The following KCNV1 variants were observed in gnomAD, a reference collection of about 807,000 sequenced individuals.
KCNV1 encodes potassium voltage-gated channel subfamily V member 1.
In KCNV1, 2 loss-of-function variants were observed where a neutral mutation model predicts 36.4. The ratio of observed to expected loss-of-function variants is 0.05; its 90% CI spans 0.02 to 0.17. The LOEUF is 0.17. Ranked by LOEUF, KCNV1 falls within the 10% of genes least tolerant of loss-of-function variation. The pLI, the probability that KCNV1 is intolerant of heterozygous loss-of-function variation, is 1.00. For synonymous variants in KCNV1, 280 were observed against 261.1 expected, an observed-to-expected ratio of 1.07 and a Z score of -0.70; for missense variants, 321 against 643.6, an observed-to-expected ratio of 0.50 and a Z score of 5.42.
At position 109,974,134 on chromosome 8, in the gene KCNV1, G is replaced by A. The variant is rs1820048140; in HGVS notation, c.255C>T (p.Pro85=). The A allele has an allele frequency of 6.2e-7, 1 of 1,610,928 alleles. No individual in the cohort carries two copies. Among genetic ancestry groups the A allele is most frequent in the Non-Finnish European group, 8.5e-7 (1 of 1,178,994 alleles). Residue 85 remains proline, a synonymous_variant, in exon 2 of 4, where the codon CCC becomes CCT. Transcript: ENST00000524391. This position sits in a 1 kb window ranked among gnomAD's most constrained non-coding sequence, Gnocchi z 6.2. The part of the protein sequence containing the change: ...YRRPGALAAV[P]SPLELCDDAN... Reference sequence around the variant, plus strand: ...CATCGTCGCAAAGCTCCAGAGGGCTGGGCACGGCGGCCAGGGCCCCGGGGC... The same window carrying A: ...CATCGTCGCAAAGCTCCAGAGGGCTAGGCACGGCGGCCAGGGCCCCGGGGC...
At chr8:109,969,310 G>A (rs1408783744) in intron 3 of KCNV1, among the ~76,000 whole-genome samples, 1 of 152,142 alleles carries the variant, frequency 6.6e-6, no homozygotes, top group East Asian at 1.9e-4. Context: ...TAATACCAAA[G>A]CTGTAAGAAA....
In KCNV1 at chr8:109,972,936, CA is replaced by C; in HGVS notation, c.462-150del. On this transcript the variant is annotated intron_variant, in intron 2 of 3. Coordinates refer to ENST00000524391, the MANE Select transcript of KCNV1 (RefSeq NM_014379.4). This position sits in a 1 kb window ranked among gnomAD's most constrained non-coding sequence, Gnocchi z 5.2. The stretch of plus-strand genomic sequence containing the variant: ...TATTTTACTTAGGTTGTGTCTTACC[CA>C]CAGTATTCAGAATTTCTCCCTTAGA... The C allele has an allele frequency of 1.6e-6, 1 of 610,332 alleles. No homozygotes were observed. Among genetic ancestry groups the C allele is most frequent in the Non-Finnish European group, 2.8e-6 (1 of 356,748 alleles). 37.8% of individuals were successfully genotyped at this position (610,332 alleles called of 1,614,324 possible).
chr8:109,964,790 A>T lies in KCNV1; in HGVS notation c.*3298T>A, dbSNP rs1819926083. On this transcript the variant is annotated 3_prime_UTR_variant, in exon 4 of 4. Coordinates refer to ENST00000524391, the MANE Select transcript of KCNV1 (RefSeq NM_014379.4). Reference sequence around the variant, plus strand: ...CTCACTTATAAGTGGGAGCTAAATGATGAGAGCACATGAACACATAGAGGG... The same window carrying T: ...CTCACTTATAAGTGGGAGCTAAATGTTGAGAGCACATGAACACATAGAGGG... 1 of 152,318 alleles carries T rather than the reference A, an allele frequency of 6.6e-6. No homozygotes were observed. The highest frequency in any genetic ancestry group is 2.1e-4 in the South Asian group (1 of 4,824). The allele number at this position is 152,318 out of a possible 1,614,324, so 9.4% of individuals were successfully genotyped here.
In KCNV1 at chr8:109,968,466, G is replaced by A. The variant is rs369718179; in HGVS notation, c.1125C>T (p.Thr375=). 1 of 1,614,014 alleles carries A rather than the reference G, an allele frequency of 6.2e-7. No individual in the cohort carries two copies. The highest frequency in any genetic ancestry group is 8.5e-7 in the Non-Finnish European group (1 of 1,179,894). The change falls in exon 4 of 4, where the codon ACC becomes ACT. Residue 375 remains threonine (T), a synonymous_variant. Coordinates refer to ENST00000524391, the MANE Select transcript of KCNV1 (RefSeq NM_014379.4). This position sits in a 1 kb window ranked among gnomAD's most constrained non-coding sequence, Gnocchi z 5.3. ...ACCATGCACAAGGGACACTTGTGAA[G>A]GTTGTGTCAGGAATGCTTTGCTCAG... ...YFAEQSIPDT[T]FTSVPCAWWW... is the part of the protein sequence containing the mutation.
At chr8:109,973,892 G>T (rs994154194) in intron 2 of KCNV1, 36 bp downstream of exon 2, 3 of 1,472,958 alleles carry the variant, frequency 2.0e-6, no homozygotes, top group Non-Finnish European at 2.7e-6. Flanking sequence ...TGCCGCGCCC[G>T]CCTCCCCGCC....
rs1048259231 is a variant in KCNV1, at chr8:109,967,033, A to G, written c.*1055T>C. ...CTTTAGAGGTTTTGGCTTTAATTAT[A>G]TAATACAATGTCTAGGAATTGTGTT... On this transcript the variant is annotated 3_prime_UTR_variant, in exon 4 of 4. Coordinates refer to ENST00000524391, the MANE Select transcript of KCNV1 (RefSeq NM_014379.4). 1 of 152,200 alleles carries G rather than the reference A, an allele frequency of 6.6e-6. No individual in the cohort carries two copies. Among genetic ancestry groups the G allele is most frequent in the African/African-American group, 2.4e-5 (1 of 41,462 alleles). 9.4% of individuals were successfully genotyped at this position (152,200 alleles called of 1,614,324 possible).
At chr8:109,973,625 G>A (rs971307071) in intron 2 of KCNV1, among the ~76,000 whole-genome samples, 2 of 152,172 alleles carry the variant, frequency 1.3e-5, no homozygotes, top group Non-Finnish European at 2.9e-5. Flanking sequence ...GGAGCATGGC[G>A]TTTCTGATTC....
rs1235362323 is a variant in KCNV1, at chr8:109,966,678, T to C, written c.*1410A>G. 5 of 152,190 alleles carry C rather than the reference T, an allele frequency of 3.3e-5. No individual in the cohort carries two copies. The highest frequency in any genetic ancestry group is 1.2e-4 in the African/African-American group (5 of 41,458). 9.4% of individuals were successfully genotyped at this position (152,190 alleles called of 1,614,324 possible). A position where few individuals can be genotyped will look rare whatever the true frequency, so the allele number is the denominator to read the frequency against. On this transcript the variant is annotated 3_prime_UTR_variant, in exon 4 of 4. Transcript: ENST00000524391. ...GCATAGCATAATATGATGTCTTAAA[T>C]AGAGTTTATGAAATACCTTATAGCT...
intron 2 of KCNV1, among the ~76,000 whole-genome samples, chr8:109,973,509 C>T (rs1242784981): frequency 1.3e-5 from 2 of 152,112 alleles, no homozygotes; most frequent in Non-Finnish European, 2.9e-5. Context: ...CTTTTATCTT[C>T]TATATTTAAA....
chr8:109,963,991 T>C lies in KCNV1; in HGVS notation c.*4097A>G, dbSNP rs1210250387. 6.6e-6 allele frequency: 1 copy of C among 152,028 alleles called. No homozygotes were observed. The highest frequency in any genetic ancestry group is 2.4e-5 in the African/African-American group (1 of 41,394). 9.4% of individuals were successfully genotyped at this position (152,028 alleles called of 1,614,324 possible). ...AAGGTGGTTGCAACGAAAGCAAAAA[T>C]TGGCAAATGGGATCTAATTAAACTC... On this transcript the variant is annotated 3_prime_UTR_variant, in exon 4 of 4. Coordinates refer to ENST00000524391, the MANE Select transcript of KCNV1 (RefSeq NM_014379.4).
Position 109,968,635 on chromosome 8 carries a change from C to A in KCNV1, c.992-36G>T. Reference sequence around the variant, plus strand: ...ACAAATGCTGTCAGTCATTGGCATCCCTCTTCTCTCTCTTCCTTCCCTCCC... The same window carrying A: ...ACAAATGCTGTCAGTCATTGGCATCACTCTTCTCTCTCTTCCTTCCCTCCC... On this transcript the variant is annotated intron_variant, in intron 3 of 3. Transcript: ENST00000524391. The surrounding 1 kb of genome is among the most constrained non-coding windows in gnomAD (Gnocchi z 5.3). 1.9e-6 allele frequency: 3 copies of A among 1,548,284 alleles called. No individual in the cohort carries two copies. Among genetic ancestry groups the A allele is most frequent in the Non-Finnish European group, 2.6e-6 (3 of 1,142,972 alleles).
Position 109,974,091 on chromosome 8 carries a change from CGTT to C in KCNV1, c.295_297del (p.Asn99del). The C allele has an allele frequency of 1.2e-6, 2 of 1,613,320 alleles. No individual in the cohort carries two copies. Among genetic ancestry groups the C allele is most frequent in the East Asian group, 2.2e-5 (1 of 44,858 alleles). On this transcript the variant is annotated inframe_deletion, in exon 2 of 4. Coordinates refer to ENST00000524391, the MANE Select transcript of KCNV1 (RefSeq NM_014379.4). The surrounding 1 kb of genome is among the most constrained non-coding windows in gnomAD (Gnocchi z 6.2). Reference sequence around the variant, plus strand: ...TGCGAGCTGCGGTCGAAGAAGTACTCGTTGTCCACGGGGTTGGCATCGTCGCAA... The same window carrying C: ...TGCGAGCTGCGGTCGAAGAAGTACTCGTCCACGGGGTTGGCATCGTCGCAA...
Position 109,967,953 on chromosome 8 carries a change from G to A in KCNV1, c.*135C>T, listed in dbSNP as rs1350797265. ...GATGTGAAATATTCTAGTAGATGAA[G>A]CAATATATCAGCAAAAATTAATTAA... On this transcript the variant is annotated 3_prime_UTR_variant, in exon 4 of 4. Coordinates refer to ENST00000524391, the MANE Select transcript of KCNV1 (RefSeq NM_014379.4). The A allele has an allele frequency of 2.4e-6, 2 of 820,206 alleles. No homozygotes were observed. Among genetic ancestry groups the A allele is most frequent in the Non-Finnish European group, 3.7e-6 (2 of 535,756 alleles). The allele number at this position is 820,206 out of a possible 1,614,324, so 50.8% of individuals were successfully genotyped here.
At position 109,967,914 on chromosome 8, in the gene KCNV1, C is replaced by A; in HGVS notation, c.*174G>T. ...CACTCAAATGTGTCAGAACACTGTG[C>A]AGTTGTTATAGGTGATGTGAAATAT... On this transcript the variant is annotated 3_prime_UTR_variant, in exon 4 of 4. Coordinates refer to ENST00000524391, the MANE Select transcript of KCNV1 (RefSeq NM_014379.4). The A allele has an allele frequency of 8.0e-6, 5 of 627,058 alleles. No homozygotes were observed. Among genetic ancestry groups the A allele is most frequent in the Non-Finnish European group, 1.4e-5 (5 of 369,388 alleles). The allele number at this position is 627,058 out of a possible 1,614,324, so 38.8% of individuals were successfully genotyped here. A position where few individuals can be genotyped will look rare whatever the true frequency, so the allele number is the denominator to read the frequency against.
At chr8:109,973,669 T>C (rs1820040323) in intron 2 of KCNV1, among the ~76,000 whole-genome samples, 1 of 152,244 alleles carries the variant, frequency 6.6e-6, no homozygotes, top group Non-Finnish European at 1.5e-5. Flanking sequence ...ATTGTGGGCC[T>C]GAAGTCCCTT....
Position 109,964,756 on chromosome 8 carries a change from C to T in KCNV1, c.*3332G>A, listed in dbSNP as rs1034306212. Reference sequence around the variant, plus strand: ...TAATGCAGGAAGAGAAAACCAAATACCACATGTTCTCACTTATAAGTGGGA... The same window carrying T: ...TAATGCAGGAAGAGAAAACCAAATATCACATGTTCTCACTTATAAGTGGGA... On this transcript the variant is annotated 3_prime_UTR_variant, in exon 4 of 4. Transcript: ENST00000524391. 4 of 152,126 alleles carry T rather than the reference C, an allele frequency of 2.6e-5. No homozygotes were observed. The highest frequency in any genetic ancestry group is 9.7e-5 in the African/African-American group (4 of 41,424). The allele number at this position is 152,126 out of a possible 1,614,324, so 9.4% of individuals were successfully genotyped here.
intron 3 of KCNV1, among the ~76,000 whole-genome samples, chr8:109,971,443 G>A (rs1820009240): frequency 6.6e-6 from 1 of 152,044 alleles, no homozygotes. Context: ...AACTACTACT[G>A]TTGGGGATGC....
intron 3 of KCNV1, among the ~76,000 whole-genome samples, chr8:109,970,817 C>T (rs1266030152): frequency 6.6e-6 from 1 of 152,072 alleles, no homozygotes; most frequent in Non-Finnish European, 1.5e-5. Flanking sequence ...GTAGTTTTTA[C>T]TGGGTGTTTT....
In KCNV1 at chr8:109,966,719, C is replaced by T. The variant is rs923006926; in HGVS notation, c.*1369G>A. The T allele has an allele frequency of 1.3e-5, 2 of 152,040 alleles. No homozygotes were observed. Among genetic ancestry groups the T allele is most frequent in the Non-Finnish European group, 2.9e-5 (2 of 68,000 alleles). The allele number at this position is 152,040 out of a possible 1,614,324, so 9.4% of individuals were successfully genotyped here. A position where few individuals can be genotyped will look rare whatever the true frequency, so the allele number is the denominator to read the frequency against. ...CCTTATAGCTATATATTAAAGCAGTCCTCAATGTTTATTTCTTATCACCAT... is the reference window on the plus strand; with the variant it reads ...CCTTATAGCTATATATTAAAGCAGTTCTCAATGTTTATTTCTTATCACCAT... On this transcript the variant is annotated 3_prime_UTR_variant, in exon 4 of 4. Transcript: ENST00000524391.
Sources: allele counts gnomAD v4.1 joint callset (sites outside exome capture counted in the v4.1 genomes callset), GRCh38; gene constraint gnomAD v4.1.1; non-coding constraint Gnocchi (gnomAD v3.1); transcripts MANE v1.5; gene names NCBI Gene and HGNC (gene_info 2026-07-23, HGNC 2026-07-21).